The following SH3PXD2A variants were observed in gnomAD, a reference collection of about 807,000 sequenced individuals.
SH3PXD2A encodes SH3 and PX domains 2A, also known as SH3 and PX domain-containing protein 2A.
A neutral mutation model predicts 115.2 loss-of-function variants in SH3PXD2A; 32 were observed. The ratio of observed to expected loss-of-function variants is 0.28; its 90% CI spans 0.21 to 0.37. The LOEUF (loss-of-function observed/expected upper bound fraction) is 0.37. Among genes scored for constraint, SH3PXD2A ranks in the 10% least tolerant of loss-of-function variants. The pLI is 1.00. For synonymous variants in SH3PXD2A, 610 were observed against 629.1 expected (o/e 0.97, Z 0.45); for missense variants, 1,328 against 1,498.7 (o/e 0.89, Z 1.88).
intron 1 of SH3PXD2A, among the ~76,000 whole-genome samples, chr10:103,830,838 G>C (rs1386419139): frequency 6.6e-6 from 1 of 152,126 alleles, no homozygotes; most frequent in Non-Finnish European, 1.5e-5. Context: ...AAATTAGAGA[G>C]GATGGCTAAG....
chr10:103,740,449 T>C (rs2038432269), intron 3 of SH3PXD2A, among the ~76,000 whole-genome samples: 1 of 152,148 alleles, frequency 6.6e-6, no homozygotes, highest in South Asian at 2.1e-4. Flanking sequence ...AGGGCTCTTC[T>C]TGGGAAAGCG....
At chr10:103,691,009 G>C (rs986580056) in intron 6 of SH3PXD2A, among the ~76,000 whole-genome samples, 1 of 152,232 alleles carries the variant, frequency 6.6e-6, no homozygotes, top group African/African-American at 2.4e-5. Flanking sequence ...TTCCCTGGGG[G>C]AGGCAGCCTG....
At chr10:103,706,215 C>T (rs1034672099) in intron 5 of SH3PXD2A, among the ~76,000 whole-genome samples, 3 of 152,138 alleles carry the variant, frequency 2.0e-5, no homozygotes, top group African/African-American at 7.2e-5. Context: ...ATGGAGCATC[C>T]CCTCTAGAGC....
At chr10:103,634,742 G>C (rs1465318992) in intron 8 of SH3PXD2A, among the ~76,000 whole-genome samples, 1 of 152,154 alleles carries the variant, frequency 6.6e-6, no homozygotes, top group Admixed American at 6.5e-5. Context: ...GGGTCCTCTG[G>C]GAACAGAGGT....
chr10:103,648,959 A>G (rs2037078894), intron 8 of SH3PXD2A, among the ~76,000 whole-genome samples: 2 of 152,250 alleles, frequency 1.3e-5, no homozygotes, highest in African/African-American at 2.4e-5. Flanking sequence ...CACAAAGCCC[A>G]TTCCAAAGGT....
intron 2 of SH3PXD2A, among the ~76,000 whole-genome samples, chr10:103,788,374 T>A (rs957651936): frequency 1.3e-5 from 2 of 152,136 alleles, no homozygotes; most frequent in African/African-American, 4.8e-5. Context: ...ACCTTCCATC[T>A]CTGGGAGATG....
chr10:103,833,927 C>T (rs766747129), intron 1 of SH3PXD2A, among the ~76,000 whole-genome samples: 1 of 152,126 alleles, frequency 6.6e-6, no homozygotes, highest in Non-Finnish European at 1.5e-5. Flanking sequence ...AATAAAGATG[C>T]TTTTTTGTCT....
At chr10:103,708,690 G>A (rs529816333) in intron 5 of SH3PXD2A, among the ~76,000 whole-genome samples, 2 of 152,258 alleles carry the variant, frequency 1.3e-5, no homozygotes, top group South Asian at 2.1e-4. Flanking sequence ...TGCTTGAGCC[G>A]CAATCCTCAG....
intron 8 of SH3PXD2A, among the ~76,000 whole-genome samples, chr10:103,650,624 C>T (rs1493173): frequency 0.23 from 35,706 of 152,160 alleles, 4,826 homozygotes; most frequent in Non-Finnish European, 0.3. Context: ...GGGCCTGCCC[C>T]TTGTTCAAGG....
intron 3 of SH3PXD2A, among the ~76,000 whole-genome samples, chr10:103,738,812 G>A (rs1260442666): frequency 6.7e-6 from 1 of 148,266 alleles, no homozygotes; most frequent in Non-Finnish European, 1.5e-5. Context: ...TTTTTTTCCC[G>A]AGACGGAGTT....
intron 5 of SH3PXD2A, among the ~76,000 whole-genome samples, chr10:103,714,835 C>A (rs1339361788): frequency 6.6e-6 from 1 of 152,214 alleles, no homozygotes; most frequent in Non-Finnish European, 1.5e-5. Context: ...TTACAGAGCA[C>A]ACAGAGCCAT....
intron 1 of SH3PXD2A, among the ~76,000 whole-genome samples, chr10:103,825,385 G>A (rs1195657469): frequency 6.6e-6 from 1 of 152,204 alleles, no homozygotes; most frequent in Admixed American, 6.5e-5. Context: ...CAGGGAGGAG[G>A]GAAAGGGGAG....
intron 1 of SH3PXD2A, among the ~76,000 whole-genome samples, chr10:103,839,152 C>T (rs1240525247): frequency 2.0e-5 from 3 of 152,206 alleles, no homozygotes; most frequent in Admixed American, 6.5e-5. Flanking sequence ...AGCAGAACCA[C>T]TAGCAAGTAG....
At chr10:103,852,199 G>A (rs917539561) in intron 1 of SH3PXD2A, among the ~76,000 whole-genome samples, 2 of 152,206 alleles carry the variant, frequency 1.3e-5, no homozygotes, top group African/African-American at 4.8e-5. Flanking sequence ...ACCCCAAGCA[G>A]GGGCCTGGCA....
chr10:103,732,471 T>G (rs1029265536), intron 4 of SH3PXD2A, among the ~76,000 whole-genome samples: 6 of 152,254 alleles, frequency 3.9e-5, no homozygotes, highest in Non-Finnish European at 8.8e-5. Flanking sequence ...AAATTTTCCG[T>G]GATTCCCATC....
rs543896201 is a variant in SH3PXD2A, at chr10:103,718,620, A to C, written c.398+5650T>G. 2.2e-3 allele frequency among the ~76,000 whole-genome samples: 334 copies of C among 152,342 alleles called. 2 individuals carry two copies. Among genetic ancestry groups the C allele is most frequent in the Middle Eastern group, 0.014 (4 of 294 alleles). Reference sequence around the variant, plus strand: ...GCTTCCCCATCTGCTAAATGGGGATAATAACATCACCTTCGTGGGTGGCCT... The same window carrying C: ...GCTTCCCCATCTGCTAAATGGGGATCATAACATCACCTTCGTGGGTGGCCT... On this transcript the variant is annotated intron_variant, in intron 5 of 14. Coordinates refer to ENST00000369774, the MANE Select transcript of SH3PXD2A (RefSeq NM_001394015.1).
intron 1 of SH3PXD2A, among the ~76,000 whole-genome samples, chr10:103,820,503 C>G (rs1450493042): frequency 6.6e-6 from 1 of 152,196 alleles, no homozygotes; most frequent in Non-Finnish European, 1.5e-5. Flanking sequence ...GAGAAACACA[C>G]AGCCAGCCCT....
intron 1 of SH3PXD2A, among the ~76,000 whole-genome samples, chr10:103,847,682 T>C (rs913979915): frequency 3.3e-5 from 5 of 152,088 alleles, no homozygotes; most frequent in South Asian, 4.1e-4. Flanking sequence ...GTCACACTTG[T>C]AATCCCAGCA....
At chr10:103,678,487 T>A (rs1475543490) in intron 6 of SH3PXD2A, among the ~76,000 whole-genome samples, 1 of 152,220 alleles carries the variant, frequency 6.6e-6, no homozygotes, top group Non-Finnish European at 1.5e-5. Flanking sequence ...CGGCTCTGTC[T>A]AATGCTAAGC....
Sources: gnomAD v4.1 joint callset for allele counts (sites outside exome capture counted in the v4.1 genomes callset) on GRCh38, gnomAD v4.1.1 for gene constraint, MANE v1.5 for transcripts, NCBI Gene and HGNC (gene_info 2026-07-23, HGNC 2026-07-21) for gene names.